The following PLCXD3 variants were observed in gnomAD, a reference collection of about 807,000 sequenced individuals.
PLCXD3 encodes phosphatidylinositol specific phospholipase C X domain containing 3, also known as PI-PLC X domain-containing protein 3.
PLCXD3 carries 19 observed loss-of-function variants against 25.5 expected under a neutral mutation model. That is an observed-to-expected ratio of 0.75 (90% CI 0.52 to 1.09). The LOEUF (loss-of-function observed/expected upper bound fraction) is 1.09, where lower values mean the gene tolerates loss of function less well. Ranked by LOEUF, PLCXD3 falls within the 50% of genes least tolerant of loss-of-function variation. The pLI is 0.00. For missense variants in PLCXD3, 411 were observed against 388.1 expected (o/e 1.06, Z -0.50); for synonymous variants, 174 against 137.6 (o/e 1.26, Z -1.85).
intron 1 of PLCXD3, among the ~76,000 whole-genome samples, chr5:41,406,238 C>A (rs1746346281): frequency 6.6e-6 from 1 of 151,986 alleles, no homozygotes; most frequent in African/African-American, 2.4e-5. Flanking sequence ...TATTGCAGAC[C>A]TCAACTTGCT....
At chr5:41,334,897 T>A (rs1385697389) in intron 2 of PLCXD3, among the ~76,000 whole-genome samples, 1 of 152,174 alleles carries the variant, frequency 6.6e-6, no homozygotes, top group East Asian at 1.9e-4. Context: ...GGGGGCCTCC[T>A]GGCGTGCAGG....
chr5:41,311,958 T>C lies in PLCXD3; in HGVS notation c.*1659A>G, dbSNP rs1174582421. On this transcript the variant is annotated 3_prime_UTR_variant, in exon 3 of 3. Coordinates refer to ENST00000377801, the MANE Select transcript of PLCXD3 (RefSeq NM_001005473.3). ...CATGGACTGTATTATCCTAGGAAAC[T>C]ATTGGGGTGTGATTATTTCTAAACA... The C allele has an allele frequency of 6.6e-6, 1 of 152,562 alleles. No homozygotes were observed. Among genetic ancestry groups the C allele is most frequent in the Admixed American group, 6.6e-5 (1 of 15,256 alleles). The allele number at this position is 152,562 out of a possible 1,614,324, so 9.5% of individuals were successfully genotyped here.
At position 41,382,440 on chromosome 5, in the gene PLCXD3, T is replaced by C; in HGVS notation, c.198A>G (p.Gly66=). Residue 66 remains glycine, a synonymous_variant, in exon 2 of 3, where the codon GGA becomes GGG. Coordinates refer to ENST00000377801, the MANE Select transcript of PLCXD3 (RefSeq NM_001005473.3). ...ETVQNFVSVF[G]TVAKKLMRKW... ...TCCGCATGAGCTTTTTGGCCACAGT[T>C]CCAAACACAGAGACAAAATTCTGGA... The C allele has an allele frequency of 6.2e-7, 1 of 1,613,304 alleles. No homozygotes were observed. Among genetic ancestry groups the C allele is most frequent in the South Asian group, 1.1e-5 (1 of 91,062 alleles).
intron 1 of PLCXD3, among the ~76,000 whole-genome samples, chr5:41,484,015 C>T (rs1217832006): frequency 2.0e-5 from 3 of 152,058 alleles, no homozygotes; most frequent in South Asian, 2.1e-4. Flanking sequence ...TTATTGATCT[C>T]ACCTTCTAAT....
chr5:41,367,084 G>C (rs753240289), intron 2 of PLCXD3, among the ~76,000 whole-genome samples: 2 of 152,118 alleles, frequency 1.3e-5, no homozygotes, highest in Non-Finnish European at 2.9e-5. Flanking sequence ...ATTGTGAGTA[G>C]TGCTGCAATG....
intron 1 of PLCXD3, among the ~76,000 whole-genome samples, chr5:41,482,020 C>T (rs1748425360): frequency 6.6e-6 from 1 of 152,050 alleles, no homozygotes; most frequent in South Asian, 2.1e-4. Flanking sequence ...GTTATTATGC[C>T]CATTTTCTAA....
intron 2 of PLCXD3, among the ~76,000 whole-genome samples, chr5:41,373,528 A>T (rs1745189667): frequency 6.6e-6 from 1 of 152,118 alleles, no homozygotes. Context: ...TCCTTTCCTT[A>T]AAGTGCCTTT....
At position 41,488,705 on chromosome 5, in the gene PLCXD3, T is replaced by C. The variant is rs200079361; in HGVS notation, c.103+21719A>G. ...TGATGGTGAGCATTTTTTCATGTGG[T>C]TTTTGGCTGCATAAATGTCTTCTTT... On this transcript the variant is annotated intron_variant, in intron 1 of 2. Transcript: ENST00000377801. Among the ~76,000 whole-genome samples, 124 of 147,198 alleles carry C rather than the reference T, an allele frequency of 8.4e-4. 7 individuals carry two copies. In the East Asian group the frequency reaches 0.016, roughly 19 times the overall value.
intron 2 of PLCXD3, among the ~76,000 whole-genome samples, chr5:41,350,910 A>G (rs990836791): frequency 3.9e-5 from 6 of 152,090 alleles, no homozygotes; most frequent in Non-Finnish European, 8.8e-5. Flanking sequence ...ATTTTGTACA[A>G]CTTTATGGCT....
intron 2 of PLCXD3, among the ~76,000 whole-genome samples, chr5:41,314,037 T>C (rs755247178): frequency 6.6e-6 from 1 of 152,306 alleles, no homozygotes; most frequent in Non-Finnish European, 1.5e-5. Context: ...GATGCTTCCC[T>C]ACTAAGAAAA....
In PLCXD3 at chr5:41,308,397, A is replaced by G. The variant is rs1743051308; in HGVS notation, c.*5220T>C. 2 of 152,206 alleles carry G rather than the reference A, an allele frequency of 1.3e-5. No individual in the cohort carries two copies. The highest frequency in any genetic ancestry group is 2.1e-4 in the South Asian group (1 of 4,834). The allele number at this position is 152,206 out of a possible 1,614,324, so 9.4% of individuals were successfully genotyped here. A position where few individuals can be genotyped will look rare whatever the true frequency, so the allele number is the denominator to read the frequency against. ...CCTGTATTTTACCTGGCAACTCTAA[A>G]TATTGAAAAGGAATAACTAAGGATG... is the stretch of plus-strand genomic sequence containing the variant. On this transcript the variant is annotated 3_prime_UTR_variant, in exon 3 of 3. Transcript: ENST00000377801.
chr5:41,338,119 G>A (rs926557136), intron 2 of PLCXD3, among the ~76,000 whole-genome samples: 2 of 152,082 alleles, frequency 1.3e-5, no homozygotes, highest in Non-Finnish European at 2.9e-5. Flanking sequence ...AAGTCTCAGA[G>A]AATATCGGGT....
At chr5:41,502,009 A>AT (rs925942720) in intron 1 of PLCXD3, among the ~76,000 whole-genome samples, 7 of 151,602 alleles carry the variant, frequency 4.6e-5, no homozygotes, top group African/African-American at 1.4e-4. Flanking sequence ...GTGGTAACAA[A>AT]TTTTTTTTTG....
chr5:41,431,863 G>A (rs1747116987), intron 1 of PLCXD3, among the ~76,000 whole-genome samples: 1 of 152,116 alleles, frequency 6.6e-6, no homozygotes, highest in Non-Finnish European at 1.5e-5. Context: ...ATGGTGGTGT[G>A]ATTACCTCCA....
At position 41,497,162 on chromosome 5, in the gene PLCXD3, G is replaced by C. The variant is rs867387691; in HGVS notation, c.103+13262C>G. The stretch of plus-strand genomic sequence containing the variant: ...AATGGTGAAAAAAAGGTATGAAAAA[G>C]TCAAAAGACAATAAGAAAAACATAA... On this transcript the variant is annotated intron_variant, in intron 1 of 2. Transcript: ENST00000377801. Among the ~76,000 whole-genome samples the C allele has an allele frequency of 6.5e-4, 99 of 151,288 alleles. 1 individual carries two copies. Among genetic ancestry groups the C allele is most frequent in the South Asian group, 4.0e-3 (19 of 4,796 alleles).
intron 1 of PLCXD3, among the ~76,000 whole-genome samples, chr5:41,448,450 T>C (rs906356015): frequency 6.6e-6 from 1 of 152,172 alleles, no homozygotes; most frequent in African/African-American, 2.4e-5. Flanking sequence ...TTTCCAAAAG[T>C]AACTAAGAAA....
At chr5:41,393,021 G>T (rs1745882503) in intron 1 of PLCXD3, among the ~76,000 whole-genome samples, 2 of 151,984 alleles carry the variant, frequency 1.3e-5, no homozygotes, top group Admixed American at 6.6e-5. Context: ...TACAGCCAGA[G>T]GAGAAAAATA....
At chr5:41,421,178 A>G (rs968303741) in intron 1 of PLCXD3, among the ~76,000 whole-genome samples, 1 of 152,216 alleles carries the variant, frequency 6.6e-6, no homozygotes, top group Non-Finnish European at 1.5e-5. Context: ...TCCAAACATC[A>G]AAACAGAGTG....
chr5:41,400,532 T>G (rs1262363310), intron 1 of PLCXD3, among the ~76,000 whole-genome samples: 2 of 152,124 alleles, frequency 1.3e-5, no homozygotes, highest in Non-Finnish European at 2.9e-5. Context: ...TCCAGTCATT[T>G]GCAACTACAT....
Sources: gnomAD v4.1 joint callset for allele counts (sites outside exome capture counted in the v4.1 genomes callset) on GRCh38, gnomAD v4.1.1 for gene constraint, MANE v1.5 for transcripts, NCBI Gene and HGNC (gene_info 2026-07-23, HGNC 2026-07-21) for gene names.